FAT2: variants seen among roughly 807,000 people sequenced by gnomAD.
The protein encoded by FAT2 is protocadherin Fat 2.
A neutral mutation model predicts 295.3 loss-of-function variants in FAT2; 150 were observed. The ratio of observed to expected loss-of-function variants is 0.51; its 90% CI spans 0.44 to 0.58. FAT2 has a LOEUF of 0.58. Ranked by LOEUF, FAT2 falls within the 20% of genes least tolerant of loss-of-function variation. The probability of loss-of-function intolerance (pLI) is 0.00; values close to 1 mark genes in which losing one functional copy is unlikely to be tolerated. For missense variants in FAT2, 4,868 were observed against 5,442.7 expected, an observed-to-expected ratio of 0.89 and a Z score of 3.32; for synonymous variants, 2,026 against 2,150.3, an observed-to-expected ratio of 0.94 and a Z score of 1.60.
chr5:151,584,199 G>A (rs1001833886), intron 1 of FAT2, among the ~76,000 whole-genome samples: 1 of 151,886 alleles, frequency 6.6e-6, no homozygotes, highest in Non-Finnish European at 1.5e-5. Flanking sequence ...AAACCAAGAA[G>A]CTCAGGAACC....
upstream of FAT2, among the ~76,000 whole-genome samples, chr5:151,594,232 T>A (rs1269589073): frequency 6.6e-6 from 1 of 152,182 alleles, no homozygotes; most frequent in Non-Finnish European, 1.5e-5. Context: ...CAGCATTTTG[T>A]GCACTGCCTG....
chr5:151,587,071 G>A (rs1301084704), intron 1 of FAT2, among the ~76,000 whole-genome samples: 1 of 152,014 alleles, frequency 6.6e-6, no homozygotes, highest in Non-Finnish European at 1.5e-5. Context: ...GAGCCCAGGA[G>A]GTGGAGGTTG....
Position 151,522,033 on chromosome 5 carries a change from A to G in FAT2, c.10560T>C (p.His3520=). ...PLSSLTSVRV[H]VTEQSHYAPS... is the part of the protein sequence containing the mutation. The stretch of plus-strand genomic sequence containing the variant: ...GTGCATAGTGGCTCTGCTCTGTGAC[A>G]TGGACACGGACAGACGTCAAAGACG... Residue 3520 remains histidine, a synonymous_variant, in exon 19 of 24, where the codon CAT becomes CAC. Transcript: ENST00000261800. The G allele has an allele frequency of 6.2e-7, 1 of 1,611,790 alleles. No homozygotes were observed.
intron 3 of FAT2, among the ~76,000 whole-genome samples, chr5:151,559,233 G>A (rs567135048): frequency 1.9e-4 from 29 of 152,320 alleles, no homozygotes; most frequent in Admixed American, 5.9e-4. Flanking sequence ...GCAGTTGAAC[G>A]CAAGTCATTC....
Position 151,517,693 on chromosome 5 carries a change from T to G in FAT2, c.11390A>C (p.His3797Pro). Residue 3797 changes from histidine to proline, a missense_variant, in exon 20 of 24, where the codon CAT (histidine) becomes CCT (proline). By Grantham distance (77) the His-to-Pro change is moderately conservative. Around this residue, in one of 5 missense-constraint regions of FAT2, gnomAD observed 1,046 missense variants for 1,210.1 expected, o/e 0.86. Transcript: ENST00000261800. Reference protein sequence around the residue: ...RAPAARNWHIHFYLKTLQPQA... With the variant: ...RAPAARNWHIPFYLKTLQPQA... Reference sequence around the variant, plus strand: ...TGGCTGGAGTGTTTTCAGATAGAAATGGATGTGCCAGTTCCGAGCCGCTGG... The same window carrying G: ...TGGCTGGAGTGTTTTCAGATAGAAAGGGATGTGCCAGTTCCGAGCCGCTGG... 6.2e-7 allele frequency: 1 copy of G among 1,614,164 alleles called. No homozygotes were observed. The highest frequency in any genetic ancestry group is 1.6e-4 in the Middle Eastern group (1 of 6,062).
Position 151,545,006 on chromosome 5 carries a change from C to A in FAT2, c.6121G>T (p.Glu2041Ter), listed in dbSNP as rs2127611078. 6.2e-7 allele frequency: 1 copy of A among 1,614,200 alleles called. No individual in the cohort carries two copies. The highest frequency in any genetic ancestry group is 2.2e-5 in the East Asian group (1 of 44,884). The change falls in exon 10 of 24, where the codon GAA becomes TAA. Residue 2041 changes from glutamate to a stop codon, truncating the protein, a stop_gained. Transcript: ENST00000261800. LOFTEE classifies it high-confidence loss of function. ...EQQDTHELAVEVRDNRTPQRV... is the reference protein window; with the variant it reads ...EQQDTHELAV ...TGAGGTGTCCGATTGTCCCTCACTTCCACTGCCAACTCATGAGTGTCCTGC... is the reference window on the plus strand; with the variant it reads ...TGAGGTGTCCGATTGTCCCTCACTTACACTGCCAACTCATGAGTGTCCTGC...
chr5:151,553,186 T>C lies in FAT2; in HGVS notation c.4147A>G (p.Asn1383Asp), dbSNP rs1375206997. 1 of 1,614,244 alleles carries C rather than the reference T, an allele frequency of 6.2e-7. No individual in the cohort carries two copies. The highest frequency in any genetic ancestry group is 2.2e-5 in the East Asian group (1 of 44,886). Residue 1383 changes from asparagine (N) to aspartate (D), a missense_variant, in exon 6 of 24, where the codon AAC becomes GAC. Transcript: ENST00000261800. ...CTAGGCCTTGCCTCACCTGAGATGT[T>C]GAACCAGAAGAGTCCGGGTCTGCCC... Reference protein sequence around the residue: ...VEGRPGLFWFNISGGDKDMDF... With the variant: ...VEGRPGLFWFDISGGDKDMDF...
Position 151,543,802 on chromosome 5 carries a change from C to A in FAT2, c.7325G>T (p.Cys2442Phe), listed in dbSNP as rs776551291. Residue 2442 changes from cysteine to phenylalanine, a missense_variant, in exon 10 of 24, where the codon TGC becomes TTC. Physicochemically the swap from Cys to Phe is radical, Grantham distance 205 (BLOSUM62 -2). Around this residue, in one of 5 missense-constraint regions of FAT2, gnomAD observed 3,297 missense variants for 3,669.4 expected, o/e 0.90. Transcript: ENST00000261800. ...SSGIISMFNL[C>F]KKHLDSSYNL... ...GTAAGAAGAGTCCAGGTGCTTTTTGCAAAGGTTGAACATAGAAATTATTCC... is the reference window on the plus strand; with the variant it reads ...GTAAGAAGAGTCCAGGTGCTTTTTGAAAAGGTTGAACATAGAAATTATTCC... The A allele has an allele frequency of 1.2e-6, 2 of 1,614,184 alleles. No homozygotes were observed. The highest frequency in any genetic ancestry group is 4.5e-5 in the East Asian group (2 of 44,886).
At chr5:151,562,885 T>C (rs112449945) in intron 3 of FAT2, among the ~76,000 whole-genome samples, 245 of 152,208 alleles carry the variant, frequency 1.6e-3, no homozygotes, top group African/African-American at 5.7e-3. Flanking sequence ...GCCAGCACTC[T>C]GGGCGGGGTT....
At chr5:151,523,943 C>T (rs1463498020) in intron 18 of FAT2, among the ~76,000 whole-genome samples, 4 of 152,156 alleles carry the variant, frequency 2.6e-5, no homozygotes, top group East Asian at 1.9e-4. Flanking sequence ...ACCCCTGAAT[C>T]GTCTCTGTTC....
Position 151,542,339 on chromosome 5 carries a change from T to C in FAT2, c.8788A>G (p.Thr2930Ala). 1.2e-6 allele frequency: 2 copies of C among 1,613,606 alleles called. No individual in the cohort carries two copies. Among genetic ancestry groups the C allele is most frequent in the Non-Finnish European group, 1.7e-6 (2 of 1,179,762 alleles). Residue 2930 changes from threonine (T) to alanine (A), a missense_variant, in exon 10 of 24, where the codon ACC becomes GCC. Physicochemically the swap from Thr to Ala is moderately conservative, Grantham distance 58. Around this residue, in one of 5 missense-constraint regions of FAT2, gnomAD observed 3,297 missense variants for 3,669.4 expected, o/e 0.90. Coordinates refer to ENST00000261800, the MANE Select transcript of FAT2 (RefSeq NM_001447.3). The stretch of plus-strand genomic sequence containing the variant: ...TGCTCAGAAATGTCAGCATCCAGGG[T>C]CTTTAGAGTCGCCACCAGTTCGCCA... ...EPGELVATLKTLDADISEQNR... is the reference protein window; with the variant it reads ...EPGELVATLKALDADISEQNR...
chr5:151,585,824 A>G (rs1248377466), intron 1 of FAT2, among the ~76,000 whole-genome samples: 3 of 152,194 alleles, frequency 2.0e-5, no homozygotes, highest in Admixed American at 1.3e-4. Flanking sequence ...CCCCAAATCT[A>G]TAATAGTAAC....
At chr5:151,561,269 G>T (rs1758001474) in intron 3 of FAT2, among the ~76,000 whole-genome samples, 1 of 152,202 alleles carries the variant, frequency 6.6e-6, no homozygotes, top group African/African-American at 2.4e-5. Context: ...CCGGACTGAG[G>T]CAGGCCATGT....
chr5:151,536,880 T>C (rs1316235565), intron 12 of FAT2, among the ~76,000 whole-genome samples: 2 of 152,200 alleles, frequency 1.3e-5, no homozygotes, highest in Non-Finnish European at 2.9e-5. Context: ...CCTCATTCTT[T>C]GTCCTCTCTC....
rs1754615061 is a variant in FAT2, at chr5:151,531,610, C to T, written c.9788G>A (p.Arg3263Lys). The part of the protein sequence containing the change: ...YRVVSGNEQG[R>K]FRLDARTGIL... ...ACCTGTGCGAGCATCCAGGCGGAAC[C>T]TGCCTTGCTCGTTCCCGCTGACCAC... Residue 3263 changes from arginine to lysine, a missense_variant, in exon 14 of 24, where the codon AGG (arginine) becomes AAG (lysine). Around this residue, in one of 5 missense-constraint regions of FAT2, gnomAD observed 1,046 missense variants for 1,210.1 expected, o/e 0.86. Transcript: ENST00000261800. This position sits in a 1 kb window ranked among gnomAD's most constrained non-coding sequence, Gnocchi z 5.7. The T allele has an allele frequency of 6.2e-7, 1 of 1,612,964 alleles. No homozygotes were observed. Among genetic ancestry groups the T allele is most frequent in the Non-Finnish European group, 8.5e-7 (1 of 1,179,956 alleles).
At position 151,507,414 on chromosome 5, in the gene FAT2, A is replaced by T; in HGVS notation, c.12257T>A (p.Leu4086His). Reference sequence around the variant, plus strand: ...GTCAACACCAACACTCCTGGCCAGGAGGTCTGGGTCCTCCATGGCCACAGG... The same window carrying T: ...GTCAACACCAACACTCCTGGCCAGGTGGTCTGGGTCCTCCATGGCCACAGG... ...HKPVAMEDPDLLARSVGVDTQ... is the reference protein window; with the variant it reads ...HKPVAMEDPDHLARSVGVDTQ... The change falls in exon 23 of 24, where the codon CTC becomes CAC. Residue 4086 changes from leucine (L) to histidine (H), a missense_variant. Coordinates refer to ENST00000261800, the MANE Select transcript of FAT2 (RefSeq NM_001447.3). 6.2e-7 allele frequency: 1 copy of T among 1,614,156 alleles called. No individual in the cohort carries two copies. Among genetic ancestry groups the T allele is most frequent in the Non-Finnish European group, 8.5e-7 (1 of 1,180,026 alleles).
Position 151,537,843 on chromosome 5 carries a change from T to C in FAT2, c.9143A>G (p.Tyr3048Cys). ...LDTDTNAQIT[Y>C]SLHGPGAHEF... ...ATGCGCCCCAGGGCCATGCAGAGAATATGTGATCTGAGCATTGGTATCAGT... is the reference window on the plus strand; with the variant it reads ...ATGCGCCCCAGGGCCATGCAGAGAACATGTGATCTGAGCATTGGTATCAGT... The change falls in exon 12 of 24, where the codon TAT becomes TGT. Residue 3048 changes from tyrosine (Y) to cysteine (C), a missense_variant. By Grantham distance (194) the Tyr-to-Cys change is radical (BLOSUM62 -2). This residue lies in a region of FAT2 where 1,046 missense variants were observed against 1,210.1 expected (regional missense o/e 0.86). Coordinates refer to ENST00000261800, the MANE Select transcript of FAT2 (RefSeq NM_001447.3). 1 of 1,614,144 alleles carries C rather than the reference T, an allele frequency of 6.2e-7. No individual in the cohort carries two copies. Among genetic ancestry groups the C allele is most frequent in the African/African-American group, 1.3e-5 (1 of 75,056 alleles).
Position 151,544,244 on chromosome 5 carries a change from A to G in FAT2, c.6883T>C (p.Leu2295=). 6.2e-7 allele frequency: 1 copy of G among 1,614,222 alleles called. No homozygotes were observed. The part of the protein sequence containing the change: ...LPAQTPVIQL[L]ASDQDSGRNR... ...CGCCCTGAGTCCTGGTCAGAAGCCA[A>G]CAGTTGGATCACAGGGGTCTGAGCA... Residue 2295 remains leucine (L), a synonymous_variant, in exon 10 of 24, where the codon TTG becomes CTG. Coordinates refer to ENST00000261800, the MANE Select transcript of FAT2 (RefSeq NM_001447.3).
Position 151,550,759 on chromosome 5 carries a change from A to C in FAT2, c.4409T>G (p.Val1470Gly). 6.2e-7 allele frequency: 1 copy of C among 1,613,918 alleles called. No homozygotes were observed. The highest frequency in any genetic ancestry group is 1.1e-5 in the South Asian group (1 of 91,046). The change falls in exon 8 of 24, where the codon GTC (valine) becomes GGC (glycine). Residue 1470 changes from valine to glycine, a missense_variant. Physicochemically the swap from Val to Gly is moderately radical, Grantham distance 109 (BLOSUM62 -3). Coordinates refer to ENST00000261800, the MANE Select transcript of FAT2 (RefSeq NM_001447.3). The part of the protein sequence containing the change: ...DTVPGVELLR[V>G]QAIDQDKGKS... ...GCCCTTGTCTTGATCTATGGCCTGG[A>C]CTCGCAGGAGCTCTACCCCTGGCAC... is the stretch of plus-strand genomic sequence containing the variant.
Sources: gnomAD v4.1 joint callset for allele counts (sites outside exome capture counted in the v4.1 genomes callset) on GRCh38, gnomAD v4.1.1 for gene constraint, gnomAD v4.1.1 regional missense constraint, Gnocchi (gnomAD v3.1) non-coding constraint, MANE v1.5 for transcripts, NCBI Gene and HGNC (gene_info 2026-07-23, HGNC 2026-07-21) for gene names.